The following MYO3B variants were observed in gnomAD, a reference collection of about 807,000 sequenced individuals.
MYO3B encodes myosin IIIB.
Under a neutral mutation model 174.6 loss-of-function variants are expected in MYO3B, and 156 were observed. The ratio of observed to expected loss-of-function variants is 0.89; its 90% CI spans 0.78 to 1.02. MYO3B has a LOEUF of 1.02. Ranked by LOEUF, MYO3B falls within the 50% of genes least tolerant of loss-of-function variation. The pLI, the probability that MYO3B is intolerant of heterozygous loss-of-function variation, is 0.00. For missense variants in MYO3B, 1,632 were observed against 1,639.4 expected (o/e 1.00, Z 0.08); for synonymous variants, 563 against 569.1 (o/e 0.99, Z 0.15).
chr2:170,378,330 A>G (rs1468899828), intron 9 of MYO3B, among the ~76,000 whole-genome samples: 1 of 152,242 alleles, frequency 6.6e-6, no homozygotes, highest in African/African-American at 2.4e-5. Context: ...ACACATATAT[A>G]TATTTTTTCT....
rs145724817 is a variant in MYO3B, at chr2:170,473,363, G to C, written c.3014+6652G>C. Among the ~76,000 whole-genome samples, 805 of 151,876 alleles carry C rather than the reference G, an allele frequency of 5.3e-3. 6 individuals are homozygous for C. The highest frequency in any genetic ancestry group is 0.018 in the African/African-American group (761 of 41,446). On this transcript the variant is annotated intron_variant, in intron 25 of 34. Transcript: ENST00000408978. ...GGGTTTCACCATGTTAGCCAGGATGGTCTCGATCTCCTGACCTTGTGATCC... is the reference window on the plus strand; with the variant it reads ...GGGTTTCACCATGTTAGCCAGGATGCTCTCGATCTCCTGACCTTGTGATCC...
At chr2:170,510,836 C>G (rs75232715) in intron 28 of MYO3B, among the ~76,000 whole-genome samples, 1 of 152,072 alleles carries the variant, frequency 6.6e-6, no homozygotes. Context: ...AGTCATACAG[C>G]GTGAAACTTT....
chr2:170,625,941 T>C (rs1370201950), intron 32 of MYO3B, among the ~76,000 whole-genome samples: 1 of 152,234 alleles, frequency 6.6e-6, no homozygotes, highest in Non-Finnish European at 1.5e-5. Flanking sequence ...ATTTCTGTTC[T>C]TTTACCTCTG....
chr2:170,185,707 G>C (rs991326501), intron 1 of MYO3B, among the ~76,000 whole-genome samples: 3 of 152,100 alleles, frequency 2.0e-5, no homozygotes, highest in African/African-American at 7.2e-5. Context: ...GATAGGGAAT[G>C]CATTGAATCT....
chr2:170,404,217 T>C (rs1456888460), intron 19 of MYO3B, 30 bp from the exon 20 acceptor site: 1 of 1,572,972 alleles, frequency 6.4e-7, no homozygotes. Flanking sequence ...AGTTTTGGGC[T>C]GGAGAGAATC....
intron 27 of MYO3B, 55 bp from the exon 28 acceptor site, chr2:170,501,730 C>A (rs898672677): frequency 3.2e-6 from 4 of 1,237,342 alleles, no homozygotes; most frequent in Non-Finnish European, 4.7e-6. Flanking sequence ...TATATCAATT[C>A]TCTGGCACGT....
chr2:170,596,720 G>A (rs1003926751), intron 32 of MYO3B, among the ~76,000 whole-genome samples: 1 of 152,216 alleles, frequency 6.6e-6, no homozygotes, highest in Non-Finnish European at 1.5e-5. Context: ...GCCTAGAGAA[G>A]GCCCTTTAAG....
intron 7 of MYO3B, among the ~76,000 whole-genome samples, chr2:170,329,000 AAT>A (rs2093890404): frequency 6.6e-6 from 1 of 152,022 alleles, no homozygotes; most frequent in Non-Finnish European, 1.5e-5. Context: ...GTCTCTACAA[AAT>A]TTAGCCGGGC....
At chr2:170,300,759 A>G (rs1034241129) in intron 7 of MYO3B, among the ~76,000 whole-genome samples, 12 of 152,254 alleles carry the variant, frequency 7.9e-5, no homozygotes, top group African/African-American at 1.7e-4. Flanking sequence ...TGAAACAGAC[A>G]TCAGAGTATT....
At chr2:170,586,913 T>A (rs1486485959) in intron 32 of MYO3B, among the ~76,000 whole-genome samples, 2 of 152,258 alleles carry the variant, frequency 1.3e-5, no homozygotes, top group Non-Finnish European at 2.9e-5. Flanking sequence ...GACAATTGAT[T>A]ATCCAAATAT....
chr2:170,564,877 C>T (rs889567421), intron 32 of MYO3B, among the ~76,000 whole-genome samples: 1 of 152,004 alleles, frequency 6.6e-6, no homozygotes, highest in Non-Finnish European at 1.5e-5. Context: ...TGCAGTTTTG[C>T]CTGGAGTATT....
chr2:170,556,126 G>A (rs1691272588), intron 32 of MYO3B, among the ~76,000 whole-genome samples: 1 of 151,920 alleles, frequency 6.6e-6, no homozygotes, highest in African/African-American at 2.4e-5. Flanking sequence ...AACCTGGGAG[G>A]CAGAGGTTGC....
chr2:170,575,260 A>G (rs1259193483), intron 32 of MYO3B, among the ~76,000 whole-genome samples: 1 of 152,156 alleles, frequency 6.6e-6, no homozygotes. Flanking sequence ...AGAAGTCGAA[A>G]ATAAAGTATA....
intron 7 of MYO3B, among the ~76,000 whole-genome samples, chr2:170,269,196 A>G (rs936778934): frequency 2.6e-5 from 4 of 152,180 alleles, no homozygotes; most frequent in African/African-American, 9.7e-5. Flanking sequence ...TCATATGACA[A>G]TGCCCCCAAA....
rs570741105 is a variant in MYO3B, at chr2:170,572,427, CA to C, written c.3733+28452del. On this transcript the variant is annotated intron_variant, in intron 32 of 34. Coordinates refer to ENST00000408978, the MANE Select transcript of MYO3B (RefSeq NM_138995.5). ...TGGGTGACAGAGCAAGACTCTGTCTCAAAAAAAAAAAAACCCATCTCTACAA... is the reference window on the plus strand; with the variant it reads ...TGGGTGACAGAGCAAGACTCTGTCTCAAAAAAAAAAAACCCATCTCTACAA... Among the ~76,000 whole-genome samples, 412 of 132,500 alleles carry C rather than the reference CA, an allele frequency of 3.1e-3. 2 individuals are homozygous for C. The highest frequency in any genetic ancestry group is 9.3e-3 in the African/African-American group (332 of 35,848). The allele number at this position is 132,500 out of a possible 152,430, so 86.9% of individuals were successfully genotyped here.
At chr2:170,225,088 C>T (rs2092937687) in intron 6 of MYO3B, among the ~76,000 whole-genome samples, 1 of 152,252 alleles carries the variant, frequency 6.6e-6, no homozygotes, top group South Asian at 2.1e-4. Context: ...CCATTTTGTT[C>T]CCTAAGCTCT....
At chr2:170,209,717 T>C (rs1315874255) in intron 3 of MYO3B, among the ~76,000 whole-genome samples, 1 of 152,228 alleles carries the variant, frequency 6.6e-6, no homozygotes. Context: ...TGGTTATCTC[T>C]CTTCTTCTCA....
chr2:170,199,415 A>G, intron 2 of MYO3B, 24 bp downstream of exon 2: 2 of 1,547,356 alleles, frequency 1.3e-6, no homozygotes, highest in Non-Finnish European at 1.7e-6. Context: ...GTAAATTATA[A>G]CCAGAATTTG....
At chr2:170,432,546 TA>T (rs1261024835) in intron 22 of MYO3B, among the ~76,000 whole-genome samples, 8 of 151,758 alleles carry the variant, frequency 5.3e-5, no homozygotes, top group African/African-American at 1.9e-4. Context: ...AAAGTTATGG[TA>T]AGTGGTTAAT....
Sources: gnomAD v4.1 joint callset for allele counts (sites outside exome capture counted in the v4.1 genomes callset) on GRCh38, gnomAD v4.1.1 for gene constraint, MANE v1.5 for transcripts, NCBI Gene and HGNC (gene_info 2026-07-23, HGNC 2026-07-21) for gene names.